The following TRIOBP variants were observed in gnomAD, a reference collection of about 807,000 sequenced individuals.
The protein encoded by TRIOBP is TRIO and F-actin-binding protein.
Under a neutral mutation model 238.8 loss-of-function variants are expected in TRIOBP, and 169 were observed. The ratio of observed to expected loss-of-function variants is 0.71; its 90% confidence interval spans 0.62 to 0.80. The LOEUF (loss-of-function observed/expected upper bound fraction) is 0.80, where lower values mean the gene tolerates loss of function less well. Ranked by LOEUF, TRIOBP falls within the 30% of genes least tolerant of loss-of-function variation. TRIOBP has a pLI of 0.00. For synonymous variants in TRIOBP, 1,150 were observed against 1,274.4 expected (o/e 0.90, Z 2.08); for missense variants, 2,838 against 3,122.6 (o/e 0.91, Z 2.17).
chr22:37,735,009 A>G lies in TRIOBP; in HGVS notation c.4673A>G (p.Asp1558Gly). The change falls in exon 9 of 24, where the codon GAC becomes GGC. Residue 1558 changes from aspartate to glycine, a missense_variant. By Grantham distance (94) the Asp-to-Gly change is moderately conservative (BLOSUM62 -1). Transcript: ENST00000644935. ...GGCTCTGAGAGGCGACCCGAGCTTG[A>G]CTGGAGGGATCTGCTTGGCCTTCTC... is the stretch of plus-strand genomic sequence containing the variant. ...PRGSERRPEL[D>G]WRDLLGLLRA... The G allele has an allele frequency of 6.2e-7, 1 of 1,612,424 alleles. No homozygotes were observed. The highest frequency in any genetic ancestry group is 1.1e-5 in the South Asian group (1 of 91,062).
intron 11 of TRIOBP, among the ~76,000 whole-genome samples, chr22:37,748,633 T>C (rs576413072): frequency 6.6e-6 from 1 of 152,224 alleles, no homozygotes; most frequent in East Asian, 1.9e-4. Flanking sequence ...CTGTGCTGGG[T>C]CCTGGCAGGT....
intron 9 of TRIOBP, 146 bp from the exon 10 acceptor site, chr22:37,738,496 T>C: frequency 1.3e-6 from 1 of 758,832 alleles, no homozygotes; most frequent in Non-Finnish European, 2.3e-6. Context: ...AGACACTGGA[T>C]GGTTGGATGG....
Position 37,723,276 on chromosome 22 carries a change from G to A in TRIOBP, c.720G>A (p.Leu240=). The A allele has an allele frequency of 6.2e-7, 1 of 1,614,092 alleles. No homozygotes were observed. Among genetic ancestry groups the A allele is most frequent in the South Asian group, 1.1e-5 (1 of 91,078 alleles). The change falls in exon 7 of 24, where the codon CTG becomes CTA. Residue 240 remains leucine, a synonymous_variant. Transcript: ENST00000644935. ...GLSLERHRST[L]TQASSMTPHS... is the part of the protein sequence containing the mutation. The stretch of plus-strand genomic sequence containing the variant: ...CCCTGGAGCGGCACCGGTCAACACT[G>A]ACCCAGGCTTCCTCCATGACACCAC...
chr22:37,758,246 C>A, intron 16 of TRIOBP, 108 bp downstream of exon 16: 1 of 1,384,402 alleles, frequency 7.2e-7, no homozygotes. Flanking sequence ...ATGGGGAGCT[C>A]ACCCCTGATC....
chr22:37,746,155 C>A (rs1925237363), intron 11 of TRIOBP: 4 of 1,018,808 alleles, frequency 3.9e-6, no homozygotes, highest in Non-Finnish European at 4.7e-6. Context: ...CGGCCCCCGC[C>A]GCTGTTTGTC....
At position 37,751,365 on chromosome 22, in the gene TRIOBP, C is replaced by T. The variant is rs913606057; in HGVS notation, c.5323-407C>T. ...GGTCCGTGGGGCACTTGGTCCTCGTCAGAGGGAGGAACTGGACAGTTCGCG... is the reference window on the plus strand; with the variant it reads ...GGTCCGTGGGGCACTTGGTCCTCGTTAGAGGGAGGAACTGGACAGTTCGCG... On this transcript the variant is annotated intron_variant, in intron 11 of 23. Transcript: ENST00000644935. 7 of 340,532 alleles carry T rather than the reference C, an allele frequency of 2.1e-5. No individual in the cohort carries two copies. In the East Asian group the frequency reaches 5.4e-4, roughly 26 times the overall value. 21.1% of individuals were successfully genotyped at this position (340,532 alleles called of 1,614,324 possible).
At chr22:37,754,811 T>C (rs1601656301) in intron 12 of TRIOBP, 66 bp from the exon 13 acceptor site, 1 of 1,525,580 alleles carries the variant, frequency 6.6e-7, no homozygotes, top group Admixed American at 1.7e-5. Context: ...CATAGTGAGT[T>C]TGGCAGCCAC....
At chr22:37,697,133 C>T (rs1922390891) in intron 1 of TRIOBP, 44 bp downstream of exon 1, 1 of 152,186 alleles carries the variant, frequency 6.6e-6, no homozygotes, top group Non-Finnish European at 1.5e-5. Flanking sequence ...AGGGGGAGGC[C>T]TACAGGAGGG....
In TRIOBP at chr22:37,724,796, C is replaced by T. The variant is rs771357946; in HGVS notation, c.2240C>T (p.Ser747Phe). 3 of 1,612,742 alleles carry T rather than the reference C, an allele frequency of 1.9e-6. No individual in the cohort carries two copies. In the East Asian group the frequency reaches 6.7e-5, roughly 36 times the overall value. The change falls in exon 7 of 24, where the codon TCC (serine) becomes TTC (phenylalanine). Residue 747 changes from serine (S) to phenylalanine (F), a missense_variant. By Grantham distance (155) the Ser-to-Phe change is radical. This residue lies in a region of TRIOBP where 167 missense variants were observed against 200.2 expected (regional missense o/e 0.83). Coordinates refer to ENST00000644935, the MANE Select transcript of TRIOBP (RefSeq NM_001039141.3). ...RTIQRDNPRT[S>F]CAQRDNPRAS... The stretch of plus-strand genomic sequence containing the variant: ...ATCCAGCGAGACAACCCCAGAACAT[C>T]CTGTGCCCAGCGGGACAATCCCAGA...
chr22:37,761,959 T>G (rs866752089), intron 17 of TRIOBP, among the ~76,000 whole-genome samples: 3 of 137,078 alleles, frequency 2.2e-5, no homozygotes, highest in Middle Eastern at 3.5e-3. Flanking sequence ...AGGGGGCTTC[T>G]GCCTGCGTGC....
At position 37,717,960 on chromosome 22, in the gene TRIOBP, G is replaced by A. The variant is rs181847111; in HGVS notation, c.628+2026G>A. Reference sequence around the variant, plus strand: ...GGCGGGGGGAAGCTCAGGCATGGCGGGCTGCAGGTCCCGAGCCCTGCCCGG... The same window carrying A: ...GGCGGGGGGAAGCTCAGGCATGGCGAGCTGCAGGTCCCGAGCCCTGCCCGG... On this transcript the variant is annotated intron_variant, in intron 6 of 23. Coordinates refer to ENST00000644935, the MANE Select transcript of TRIOBP (RefSeq NM_001039141.3). 5.8e-3 allele frequency among the ~76,000 whole-genome samples: 889 copies of A among 152,350 alleles called. 6 individuals are homozygous for A. The highest frequency in any genetic ancestry group is 0.02 in the African/African-American group (835 of 41,588).
intron 17 of TRIOBP, among the ~76,000 whole-genome samples, chr22:37,761,763 A>G (rs1926254303): frequency 6.6e-6 from 1 of 150,918 alleles, no homozygotes; most frequent in Admixed American, 6.6e-5. Context: ...TTCCACTGAT[A>G]GAGGAGCAGG....
At chr22:37,740,421 T>C (rs560283612) in intron 10 of TRIOBP, among the ~76,000 whole-genome samples, 8 of 152,118 alleles carry the variant, frequency 5.3e-5, no homozygotes, top group Admixed American at 5.2e-4. Flanking sequence ...CAGGTAACAA[T>C]GGTGAGAAGG....
chr22:37,729,070 C>T (rs938545749), intron 7 of TRIOBP, among the ~76,000 whole-genome samples: 1 of 152,074 alleles, frequency 6.6e-6, no homozygotes, highest in South Asian at 2.1e-4. Context: ...AGCATGCCGC[C>T]ACATCCGGCT....
rs115467518 is a variant in TRIOBP at position 37,741,748 on chromosome 22, C to A, written c.5322+716C>A. Among the ~76,000 whole-genome samples, 610 of 152,302 alleles carry A rather than the reference C, an allele frequency of 4.0e-3. 6 individuals are homozygous for A. The highest frequency in any genetic ancestry group is 0.014 in the African/African-American group (593 of 41,560). On this transcript the variant is annotated intron_variant, in intron 11 of 23. Transcript: ENST00000644935. ...AGGTGAGCTGACTTGCCTGAGGTCG[C>A]ACAGCTTGGGGTATAAAGGAGCTGA...
At chr22:37,768,383 G>C (rs915027224) in intron 19 of TRIOBP, among the ~76,000 whole-genome samples, 3 of 152,150 alleles carry the variant, frequency 2.0e-5, no homozygotes, top group Non-Finnish European at 4.4e-5. Context: ...TTCTTGTCTT[G>C]GCTGGTCCCA....
chr22:37,707,034 G>A lies in TRIOBP; in HGVS notation c.115-3393G>A, dbSNP rs112610500. Among the ~76,000 whole-genome samples the A allele has an allele frequency of 3.9e-3, 600 of 152,282 alleles. 3 individuals carry two copies. Among genetic ancestry groups the A allele is most frequent in the African/African-American group, 0.013 (558 of 41,554 alleles). ...TGTAATCCCAGCACTTTGGGAGGCC[G>A]AGGCGGGTGGATCACTTGAGGTCAG... is the stretch of plus-strand genomic sequence containing the variant. On this transcript the variant is annotated intron_variant, in intron 3 of 23. Transcript: ENST00000644935.
chr22:37,758,469 G>A (rs1428882588), intron 16 of TRIOBP, among the ~76,000 whole-genome samples: 1 of 152,158 alleles, frequency 6.6e-6, no homozygotes, highest in Non-Finnish European at 1.5e-5. Context: ...GAAGCCAAGA[G>A]TTTGAGACCA....
Position 37,713,349 on chromosome 22 carries a change from T to TCTGACCCCACCTCCAGCC in TRIOBP, c.400_417dup (p.Pro134_Asp139dup). On this transcript the variant is annotated inframe_insertion, in exon 5 of 24. Coordinates refer to ENST00000644935, the MANE Select transcript of TRIOBP (RefSeq NM_001039141.3). ...TGGCAGCTGCAACGAGGACCCCGGC[T>TCTGACCCCACCTCCAGCC]CTGACCCCACCTCCAGCCCTGACTC... 6.2e-7 allele frequency: 1 copy of TCTGACCCCACCTCCAGCC among 1,613,934 alleles called. No homozygotes were observed.
Sources: gnomAD v4.1 joint callset for allele counts (sites outside exome capture counted in the v4.1 genomes callset) on GRCh38, gnomAD v4.1.1 for gene constraint, gnomAD v4.1.1 regional missense constraint, MANE v1.5 for transcripts, NCBI Gene and HGNC (gene_info 2026-07-23, HGNC 2026-07-21) for gene names.